Variants in DDX59 observed in about 807,000 individuals in gnomAD.
DDX59 encodes probable ATP-dependent RNA helicase DDX59.
Under a neutral mutation model 51.9 loss-of-function variants are expected in DDX59, and 30 were observed. The ratio of observed to expected loss-of-function variants is 0.58; its 90% CI spans 0.43 to 0.78. The LOEUF is 0.78. DDX59 is among the 30% of genes least tolerant of loss of function. The pLI is 0.00. For synonymous variants in DDX59, 255 were observed against 253.3 expected (o/e 1.01, Z -0.06); for missense variants, 672 against 730.8 (o/e 0.92, Z 0.93).
chr1:200,652,543 AT>A (rs888121747), intron 4 of DDX59, among the ~76,000 whole-genome samples: 5 of 151,426 alleles, frequency 3.3e-5, no homozygotes, highest in African/African-American at 4.9e-5. Context: ...CTAATTTTGT[AT>A]TTTTAGTAGA....
At chr1:200,643,949 C>T (rs950726520), downstream of DDX59, 1 of 242,052 alleles carries the variant, frequency 4.1e-6, no homozygotes, top group Non-Finnish European at 6.7e-6. Context: ...AAAACAATCA[C>T]TGATCCGAGT....
downstream of DDX59, chr1:200,641,103 G>T: frequency 8.2e-7 from 1 of 1,213,516 alleles, no homozygotes; most frequent in Non-Finnish European, 1.1e-6. Context: ...TGGCTGCCAG[G>T]AAAGTCACCT....
chr1:200,649,316 T>A, intron 5 of DDX59, 90 bp from the exon 6 acceptor site: 1 of 1,241,374 alleles, frequency 8.1e-7, no homozygotes, highest in Admixed American at 2.8e-5. Flanking sequence ...AAGCTAGTTA[T>A]CAATAGATTT....
intron 7 of DDX59, among the ~76,000 whole-genome samples, chr1:200,645,857 CAGA>C (rs767645944): frequency 1.3e-5 from 2 of 152,230 alleles, no homozygotes; most frequent in East Asian, 1.9e-4. Context: ...GGGAATGAGA[CAGA>C]GGAGAAGAGA....
At chr1:200,653,233 C>T (rs1373829694) in intron 4 of DDX59, among the ~76,000 whole-genome samples, 2 of 152,156 alleles carry the variant, frequency 1.3e-5, no homozygotes, top group African/African-American at 4.8e-5. Flanking sequence ...AACTATCTGC[C>T]GACTTAACAT....
downstream of DDX59, chr1:200,641,330 A>C (rs554549249): frequency 1.4e-6 from 1 of 701,252 alleles, no homozygotes; most frequent in African/African-American, 1.9e-5. Context: ...TTATTAAATT[A>C]ATCAGTGAGT....
chr1:200,667,627 T>C (rs1662857026), intron 1 of DDX59, among the ~76,000 whole-genome samples: 1 of 152,210 alleles, frequency 6.6e-6, no homozygotes, highest in Non-Finnish European at 1.5e-5. Flanking sequence ...GGGTAAATCC[T>C]TCTATTATAG....
At chr1:200,668,964 G>C (rs1222976575) in intron 1 of DDX59, among the ~76,000 whole-genome samples, 1 of 152,152 alleles carries the variant, frequency 6.6e-6, no homozygotes, top group Non-Finnish European at 1.5e-5. Context: ...AAATGTATTT[G>C]ATGTCTCACG....
chr1:200,657,242 C>CT (rs1416826107), intron 4 of DDX59, among the ~76,000 whole-genome samples: 1 of 57,916 alleles, frequency 1.7e-5, no homozygotes, highest in Non-Finnish European at 3.0e-5. Flanking sequence ...CAGAGGGAAA[C>CT]TGTCTACAAA....
intron 6 of DDX59, 103 bp from the exon 7 acceptor site, chr1:200,648,670 A>G: frequency 5.2e-6 from 7 of 1,352,730 alleles, no homozygotes; most frequent in Non-Finnish European, 7.0e-6. Context: ...CAATATTTTT[A>G]TTGCAATATT....
rs752267381 is a variant in DDX59 at position 200,644,506 on chromosome 1, T to C, written c.1608A>G (p.Val536=). 3.8e-6 allele frequency: 6 copies of C among 1,581,704 alleles called. 1 individual carries two copies. The South Asian group carries it at 7.0e-5, about 18-fold the overall frequency. Residue 536 remains valine (V), a synonymous_variant, in exon 8 of 8, where the codon GTA becomes GTG. Transcript: ENST00000331314. ...CTGTTCCATTTTGACCTAATCTTCCTACTCTTCCAATCTGAAATAAAATGC... is the reference window on the plus strand; with the variant it reads ...CTGTTCCATTTTGACCTAATCTTCCCACTCTTCCAATCTGAAATAAAATGC... ...MDEYVHQIGR[V]GRLGQNGTAI...
intron 1 of DDX59, 148 bp downstream of exon 1, chr1:200,669,619 C>G (rs978380024): frequency 6.6e-6 from 1 of 152,318 alleles, no homozygotes; most frequent in Non-Finnish European, 1.5e-5. Flanking sequence ...GGCTCCGGTT[C>G]CGGGTAGAGG....
At chr1:200,650,735 C>CA in intron 4 of DDX59, 59 bp from the exon 5 acceptor site, 1 of 1,401,004 alleles carries the variant, frequency 7.1e-7, no homozygotes. Flanking sequence ...GAACCACCCC[C>CA]AAAAAAGACT....
Position 200,644,154 on chromosome 1 carries a change from T to A in DDX59, c.*100A>T, listed in dbSNP as rs879122334. 1.1e-5 allele frequency: 10 copies of A among 941,268 alleles called. No individual in the cohort carries two copies. The South Asian group carries it at 3.3e-4, about 31-fold the overall frequency. 58.3% of individuals were successfully genotyped at this position (941,268 alleles called of 1,614,324 possible). ...TATAAATTTTATTAAATTAAAAATATCTTAAAATTTTTAAAATTCATGTAC... is the reference window on the plus strand; with the variant it reads ...TATAAATTTTATTAAATTAAAAATAACTTAAAATTTTTAAAATTCATGTAC... On this transcript the variant is annotated 3_prime_UTR_variant, in exon 8 of 8. Coordinates refer to ENST00000331314, the MANE Select transcript of DDX59 (RefSeq NM_001031725.6).
Position 200,666,313 on chromosome 1 carries a change from TC to T in DDX59, c.427del (p.Glu143LysfsTer20), listed in dbSNP as rs748125420. The T allele has an allele frequency of 6.2e-7, 1 of 1,614,236 alleles. No individual in the cohort carries two copies. The highest frequency in any genetic ancestry group is 8.5e-7 in the Non-Finnish European group (1 of 1,180,042). On this transcript the variant is annotated frameshift_variant, in exon 2 of 8. Coordinates refer to ENST00000331314, the MANE Select transcript of DDX59 (RefSeq NM_001031725.6). LOFTEE classifies it high-confidence loss of function. ...TGGATTGCTGAGTTTTGATTTCTCT[TC>T]CTTTTCCTTAACTTGTAGAAGATGT... ...AKHLLQVKEKEEKSKLSNPQK... is the reference protein window; with the variant it reads ...AKHLLQVKEKXEKSKLSNPQK...
chr1:200,649,217 G>A lies in DDX59; in HGVS notation c.1324C>T (p.Leu442Phe), dbSNP rs1008342776. 2 of 1,563,380 alleles carry A rather than the reference G, an allele frequency of 1.3e-6. No individual in the cohort carries two copies. The highest frequency in any genetic ancestry group is 1.7e-6 in the Non-Finnish European group (2 of 1,164,424). Residue 442 changes from leucine to phenylalanine, a missense_variant, in exon 6 of 8, where the codon CTC (leucine) becomes TTC (phenylalanine). Leu to Phe is a conservative substitution (Grantham distance 22). Coordinates refer to ENST00000331314, the MANE Select transcript of DDX59 (RefSeq NM_001031725.6). ...AATACTAACACTGGAGGCTTAAAGA[G>A]TTTCTTATCCTGAAAAATTAAAAAC... ...KLFEILNDKKLFKPPVLVFVD... is the reference protein window; with the variant it reads ...KLFEILNDKKFFKPPVLVFVD...
In DDX59 at chr1:200,644,176, G is replaced by A; in HGVS notation, c.*78C>T. 8.8e-7 allele frequency: 1 copy of A among 1,131,654 alleles called. No individual in the cohort carries two copies. Among genetic ancestry groups the A allele is most frequent in the Non-Finnish European group, 1.1e-6 (1 of 879,156 alleles). The allele number at this position is 1,131,654 out of a possible 1,614,324, so 70.1% of individuals were successfully genotyped here. On this transcript the variant is annotated 3_prime_UTR_variant, in exon 8 of 8. Transcript: ENST00000331314. ...ATATCTTAAAATTTTTAAAATTCAT[G>A]TACATTTCCATTTATGCAAACCATA...
chr1:200,645,532 C>G (rs1380752138), intron 7 of DDX59, among the ~76,000 whole-genome samples: 1 of 152,174 alleles, frequency 6.6e-6, no homozygotes, highest in Non-Finnish European at 1.5e-5. Flanking sequence ...CTGCCTCAGC[C>G]TCCCAAAGTG....
intron 5 of DDX59, among the ~76,000 whole-genome samples, chr1:200,650,158 T>C (rs982066388): frequency 6.6e-5 from 10 of 152,136 alleles, no homozygotes; most frequent in African/African-American, 2.4e-4. Context: ...TAAAATATTT[T>C]CAAAGGAGAA....
Sources: gnomAD v4.1 joint callset for allele counts (sites outside exome capture counted in the v4.1 genomes callset) on GRCh38, gnomAD v4.1.1 for gene constraint, MANE v1.5 for transcripts, NCBI Gene and HGNC (gene_info 2026-07-23, HGNC 2026-07-21) for gene names.